Variants in PVALB observed in about 807,000 individuals in gnomAD.
PVALB encodes the protein parvalbumin.
Under a neutral mutation model 10.9 loss-of-function variants are expected in PVALB, and 11 were observed. The observed-to-expected ratio is 1.01, with a 90% CI of 0.63 to 1.67. PVALB has a LOEUF of 1.67. PVALB is among the 40% of genes most tolerant of loss of function. The probability of loss-of-function intolerance (pLI) is 0.00; values close to 1 mark genes in which losing one functional copy is unlikely to be tolerated. For missense variants in PVALB, 131 were observed against 136.2 expected (o/e 0.96, Z 0.19); for synonymous variants, 57 against 50.7 (o/e 1.12, Z -0.53).
intron 3 of PVALB, among the ~76,000 whole-genome samples, chr22:36,812,308 T>TG (rs1178436978): frequency 6.6e-6 from 1 of 152,132 alleles, no homozygotes; most frequent in Non-Finnish European, 1.5e-5. Context: ...CTGCTCTGTG[T>TG]GGGGTATTGG....
intron 3 of PVALB, among the ~76,000 whole-genome samples, chr22:36,804,660 G>A (rs1279280250): frequency 6.6e-6 from 1 of 152,198 alleles, no homozygotes; most frequent in Non-Finnish European, 1.5e-5. Flanking sequence ...GACTGGCTGG[G>A]TGCAGTGGCT....
chr22:36,804,003 T>C (rs540683104), intron 3 of PVALB, among the ~76,000 whole-genome samples: 1 of 152,330 alleles, frequency 6.6e-6, no homozygotes, highest in Admixed American at 6.5e-5. Context: ...CTTCAACCTG[T>C]CATTTCATCC....
At chr22:36,806,236 C>T (rs1044121655) in intron 3 of PVALB, among the ~76,000 whole-genome samples, 7 of 152,148 alleles carry the variant, frequency 4.6e-5, no homozygotes, top group South Asian at 2.1e-4. Flanking sequence ...TCTAAATCCT[C>T]GCCCAAGACC....
At chr22:36,807,578 A>T (rs1938972372) in intron 3 of PVALB, among the ~76,000 whole-genome samples, 1 of 152,228 alleles carries the variant, frequency 6.6e-6, no homozygotes, top group Admixed American at 6.5e-5. Flanking sequence ...CGAGCAAAAC[A>T]TTCCCATAAA....
chr22:36,803,305 C>T (rs1052193966), intron 3 of PVALB, among the ~76,000 whole-genome samples: 2 of 152,212 alleles, frequency 1.3e-5, no homozygotes, highest in Non-Finnish European at 2.9e-5. Flanking sequence ...ACCATCCCAT[C>T]GCATTAGTCC....
At chr22:36,801,274 T>C (rs1398980577) in intron 3 of PVALB, among the ~76,000 whole-genome samples, 3 of 152,260 alleles carry the variant, frequency 2.0e-5, no homozygotes, top group Non-Finnish European at 4.4e-5. Context: ...ATATCTTATT[T>C]GACTCTGACA....
At chr22:36,807,813 C>T (rs917264032) in intron 3 of PVALB, among the ~76,000 whole-genome samples, 11 of 152,170 alleles carry the variant, frequency 7.2e-5, no homozygotes, top group South Asian at 2.1e-4. Flanking sequence ...CCGCCTCTCA[C>T]GCCTCTCACG....
intron 1 of PVALB, 124 bp from the exon 2 acceptor site, chr22:36,815,359 A>G: frequency 7.5e-7 from 1 of 1,324,856 alleles, no homozygotes; most frequent in Non-Finnish European, 1.1e-6. Flanking sequence ...AATGAGAGGT[A>G]CCCACCTCCA....
intron 1 of PVALB, among the ~76,000 whole-genome samples, chr22:36,815,819 G>A (rs969339812): frequency 5.3e-5 from 8 of 152,172 alleles, no homozygotes; most frequent in African/African-American, 1.9e-4. Context: ...GTGTTAGGAG[G>A]CTCCCGAGAA....
chr22:36,806,429 G>T (rs149240431), intron 3 of PVALB, among the ~76,000 whole-genome samples: 3 of 152,164 alleles, frequency 2.0e-5, no homozygotes, highest in African/African-American at 7.2e-5. Flanking sequence ...GTCCAAGGCC[G>T]CGGGGATTGG....
At chr22:36,815,286 A>G (rs1939121218) in intron 1 of PVALB, 51 bp from the exon 2 acceptor site, 2 of 1,608,734 alleles carry the variant, frequency 1.2e-6, no homozygotes, top group East Asian at 2.2e-5. Context: ...CTGGTAGGGA[A>G]GCCTGGGAGA....
At chr22:36,802,845 T>G (rs1938890774) in intron 3 of PVALB, among the ~76,000 whole-genome samples, 1 of 151,938 alleles carries the variant, frequency 6.6e-6, no homozygotes, top group South Asian at 2.1e-4. Flanking sequence ...TCTGGCTGAG[T>G]GGTAACAGCA....
chr22:36,801,564 C>A (rs902577248), intron 3 of PVALB, among the ~76,000 whole-genome samples: 1 of 152,204 alleles, frequency 6.6e-6, no homozygotes, highest in African/African-American at 2.4e-5. Context: ...CTTTGGGAGG[C>A]TGAGGCAGGT....
At chr22:36,811,436 G>T in intron 3 of PVALB, 1 of 470,106 alleles carries the variant, frequency 2.1e-6, no homozygotes. Flanking sequence ...TAGCTGCTCA[G>T]GGGCACCCAG....
chr22:36,807,445 A>G (rs933404856), intron 3 of PVALB, among the ~76,000 whole-genome samples: 6 of 152,262 alleles, frequency 3.9e-5, no homozygotes, highest in African/African-American at 1.4e-4. Flanking sequence ...CCGGAGGGCT[A>G]GAATTACAGG....
chr22:36,813,709 T>C lies in PVALB; in HGVS notation c.241A>G (p.Lys81Glu), dbSNP rs765685915. 43 of 1,614,006 alleles carry C rather than the reference T, an allele frequency of 2.7e-5. 1 individual carries two copies. The South Asian group carries it at 4.6e-4, about 17-fold the overall frequency. ...FSPDARDLSA[K>E]ETKMLMAAGD... ...GCAGCCATCAGCATCTTGGTTTCTT[T>C]AGCAGACAGGTCTCTGGCATCTGGG... Residue 81 changes from lysine (K) to glutamate (E), a missense_variant, in exon 3 of 4, where the codon AAA becomes GAA. Coordinates refer to ENST00000417718, the MANE Select transcript of PVALB (RefSeq NM_001315532.2).
rs564955323 is a variant in PVALB at position 36,800,733 on chromosome 22, C to A, written c.*157G>T. On this transcript the variant is annotated 3_prime_UTR_variant, in exon 4 of 4. Coordinates refer to ENST00000417718, the MANE Select transcript of PVALB (RefSeq NM_001315532.2). ...GGTACAACCTTTATTGCTTCTCCAG[C>A]ATTTTCCAGAAGAATGGTGTCATTA... 61 of 821,884 alleles carry A rather than the reference C, an allele frequency of 7.4e-5. No individual in the cohort carries two copies. The highest frequency in any genetic ancestry group is 2.6e-4 in the Middle Eastern group (1 of 3,848). 50.9% of individuals were successfully genotyped at this position (821,884 alleles called of 1,614,324 possible). A position where few individuals can be genotyped will look rare whatever the true frequency, so the allele number is the denominator to read the frequency against.
chr22:36,812,575 C>A (rs1939063011), intron 3 of PVALB, among the ~76,000 whole-genome samples: 1 of 152,206 alleles, frequency 6.6e-6, no homozygotes, highest in South Asian at 2.1e-4. Flanking sequence ...TCATTCTATT[C>A]AGTTCAGAGA....
At chr22:36,801,010 C>T (rs777850669) in intron 3 of PVALB, 92 bp from the exon 4 acceptor site, 12 of 1,285,232 alleles carry the variant, frequency 9.3e-6, no homozygotes, top group African/African-American at 5.8e-5. Context: ...GTGGTGCTCT[C>T]TCTGGGTTCT....
Sources: gnomAD v4.1 joint callset for allele counts (sites outside exome capture counted in the v4.1 genomes callset) on GRCh38, gnomAD v4.1.1 for gene constraint, MANE v1.5 for transcripts, NCBI Gene and HGNC (gene_info 2026-07-23, HGNC 2026-07-21) for gene names.